Variants in EPG5 observed in about 807,000 individuals in gnomAD.
The protein encoded by EPG5 is ectopic P granules protein 5 homolog.
Under a neutral mutation model 302.7 loss-of-function variants are expected in EPG5, and 159 were observed. The observed-to-expected ratio is 0.53, with a 90% CI of 0.46 to 0.60. The LOEUF (loss-of-function observed/expected upper bound fraction) is 0.60. Among genes scored for constraint, EPG5 ranks in the 20% least tolerant of loss-of-function variants. The probability of loss-of-function intolerance (pLI) is 0.00; values close to 1 mark genes in which losing one functional copy is unlikely to be tolerated. For synonymous variants in EPG5, 1,158 were observed against 1,136.8 expected (o/e 1.02, Z -0.37); for missense variants, 2,896 against 3,092.4 (o/e 0.94, Z 1.51).
At position 45,954,687 on chromosome 18, in the gene EPG5, T is replaced by C. The variant is rs2050985899; in HGVS notation, c.715A>G (p.Ser239Gly). 1.9e-6 allele frequency: 3 copies of C among 1,614,250 alleles called. No homozygotes were observed. The East Asian group carries it at 6.7e-5, about 36-fold the overall frequency. ...ALVAVKPLLRSERLYPELPSQ... is the reference protein window; with the variant it reads ...ALVAVKPLLRGERLYPELPSQ... ...GGGAGTTCTGGGTAGAGTCGCTCAC[T>C]GCGAAGCAAGGGTTTCACTGCCACC... The change falls in exon 2 of 44, where the codon AGT (serine) becomes GGT (glycine). Residue 239 changes from serine (S) to glycine (G), a missense_variant. Ser to Gly is a moderately conservative substitution (Grantham distance 56). Transcript: ENST00000282041.
chr18:45,879,273 T>G (rs906443606), intron 32 of EPG5, 59 bp from the exon 33 acceptor site: 3 of 1,193,892 alleles, frequency 2.5e-6, no homozygotes, highest in Admixed American at 2.0e-5. Flanking sequence ...TAAAGTGTTA[T>G]GATACACTGT....
Position 45,884,614 on chromosome 18 carries a change from T to C in EPG5, c.5304+3A>G, listed in dbSNP as rs1223315254. ...ATATGGTGAGGATGGAATTACATCT[T>C]ACCTTGGTTAGCAGCATGAAAATCA... is the stretch of plus-strand genomic sequence containing the variant. On this transcript the variant is annotated splice_donor_region_variant and intron_variant, in intron 30 of 43. Coordinates refer to ENST00000282041, the MANE Select transcript of EPG5 (RefSeq NM_020964.3). The C allele has an allele frequency of 6.3e-7, 1 of 1,596,436 alleles. No individual in the cohort carries two copies. The highest frequency in any genetic ancestry group is 8.5e-7 in the Non-Finnish European group (1 of 1,174,248).
Position 45,907,995 on chromosome 18 carries a change from T to C in EPG5, c.4292A>G (p.Asp1431Gly). The C allele has an allele frequency of 1.9e-6, 3 of 1,595,230 alleles. No homozygotes were observed. Among genetic ancestry groups the C allele is most frequent in the Non-Finnish European group, 2.6e-6 (3 of 1,174,800 alleles). Residue 1431 changes from aspartate (D) to glycine (G), a missense_variant, in exon 24 of 44, where the codon GAT becomes GGT. Asp to Gly is a moderately conservative substitution (Grantham distance 94). Around this residue, in one of 5 missense-constraint regions of EPG5, gnomAD observed 790 missense variants for 798.0 expected, o/e 0.99. Transcript: ENST00000282041. ...CATCACTTTTGCTAGCCTGTGAATA[T>C]CATAATGCTTTGGTAGAGAAGGGAT... ...TYIPSLPKHY[D>G]IHRLAKVMQN...
At position 45,855,608 on chromosome 18, in the gene EPG5, C is replaced by T; in HGVS notation, c.7522G>A (p.Gly2508Ser). The change falls in exon 43 of 44, where the codon GGC (glycine) becomes AGC (serine). Residue 2508 changes from glycine (G) to serine (S), a missense_variant. Transcript: ENST00000282041. The stretch of plus-strand genomic sequence containing the variant: ...TTGGGGGTCAGATGTAATTCAGAGC[C>T]AGGCCTCAAACGGATCTGATCTTCC... The part of the protein sequence containing the change: ...PMEDQIRLRP[G>S]SELHLTPKAQ... 1 of 1,614,142 alleles carries T rather than the reference C, an allele frequency of 6.2e-7. No homozygotes were observed.
intron 27 of EPG5, among the ~76,000 whole-genome samples, chr18:45,894,430 G>A (rs72918333): frequency 0.095 from 14,373 of 151,824 alleles, 740 homozygotes; most frequent in African/African-American, 0.14. Context: ...TAGCATGGGT[G>A]ACAAGAGCAA....
chr18:45,951,283 T>C lies in EPG5; in HGVS notation c.1253-45A>G, dbSNP rs187298006. 462 of 1,350,972 alleles carry C rather than the reference T, an allele frequency of 3.4e-4. 6 individuals carry two copies. In the East Asian group the frequency reaches 0.012, roughly 35 times the overall value. 83.7% of individuals were successfully genotyped at this position (1,350,972 alleles called of 1,614,324 possible). ...AATGAGTCTCTCATAAATGGTGTTT[T>C]TGGGGGAATTTTTAGTGTCTTCACT... On this transcript the variant is annotated intron_variant, in intron 3 of 43. Transcript: ENST00000282041.
intron 25 of EPG5, 90 bp from the exon 26 acceptor site, chr18:45,901,257 C>G: frequency 8.7e-7 from 1 of 1,153,302 alleles, no homozygotes; most frequent in Non-Finnish European, 1.2e-6. Flanking sequence ...GAATTCCTAT[C>G]CTCAAAAAAT....
chr18:45,886,524 C>G (rs2049220484), intron 29 of EPG5, among the ~76,000 whole-genome samples: 1 of 152,158 alleles, frequency 6.6e-6, no homozygotes. Flanking sequence ...TACATATACA[C>G]AAATAGACAC....
Position 45,954,431 on chromosome 18 carries a change from C to T in EPG5, c.971G>A (p.Arg324Gln), listed in dbSNP as rs769257858. The T allele has an allele frequency of 5.1e-5, 83 of 1,613,114 alleles. No homozygotes were observed. In the South Asian group the frequency reaches 7.8e-4, roughly 15 times the overall value. The change falls in exon 2 of 44, where the codon CGG becomes CAG. Residue 324 changes from arginine (R) to glutamine (Q), a missense_variant. By Grantham distance (43) the Arg-to-Gln change is conservative. Coordinates refer to ENST00000282041, the MANE Select transcript of EPG5 (RefSeq NM_020964.3). ...TTGTTCCTCCTTAAACTGCCACAGC[C>T]GACTTTTAGCATTTTGGCAATCAGA... ...LTSDCQNAKS[R>Q]LWQFKEEQMS...
At chr18:45,903,118 T>A (rs529968707) in intron 25 of EPG5, among the ~76,000 whole-genome samples, 1 of 152,222 alleles carries the variant, frequency 6.6e-6, no homozygotes, top group Non-Finnish European at 1.5e-5. Context: ...CATATATTTC[T>A]TCTTCTTAAC....
chr18:45,821,097 A>C, the EPG5 span, among the ~76,000 whole-genome samples: 2 of 152,262 alleles, frequency 1.3e-5, no homozygotes, highest in Admixed American at 1.3e-4. Flanking sequence ...AGGGTAGGAT[A>C]GACTCACGGA....
At chr18:45,840,283 C>G in the EPG5 span, 3 of 1,592,058 alleles carry the variant, frequency 1.9e-6, no homozygotes, top group Non-Finnish European at 2.6e-6. Flanking sequence ...ACCCCACCCA[C>G]CTAGTCCTCA....
chr18:45,879,187 C>T lies in EPG5; in HGVS notation c.5695G>A (p.Asp1899Asn), dbSNP rs1220548409. 6.2e-7 allele frequency: 1 copy of T among 1,613,502 alleles called. No homozygotes were observed. Among genetic ancestry groups the T allele is most frequent in the Admixed American group, 1.7e-5 (1 of 59,904 alleles). The change falls in exon 33 of 44, where the codon GAC becomes AAC. Residue 1899 changes from aspartate to asparagine, a missense_variant. Physicochemically the swap from Asp to Asn is conservative, Grantham distance 23. Transcript: ENST00000282041. The part of the protein sequence containing the change: ...QVMETIQWLS[D>N]FFYKLRLSKM... ...GATAACCGAAGCTTATAAAAAAAGT[C>T]TGAAAGCCACTGTATAGTCTCCATT...
chr18:45,891,484 G>GT (rs1369856821), intron 27 of EPG5, among the ~76,000 whole-genome samples: 1 of 144,638 alleles, frequency 6.9e-6, no homozygotes, highest in Non-Finnish European at 1.5e-5. Flanking sequence ...GGGCGACAGC[G>GT]TGAGACTCCG....
rs979490125 is a variant in EPG5, at chr18:45,952,517, G to A, written c.1135C>T (p.Leu379=). Residue 379 remains leucine, a synonymous_variant, in exon 3 of 44, where the codon CTG becomes TTG. Coordinates refer to ENST00000282041, the MANE Select transcript of EPG5 (RefSeq NM_020964.3). The part of the protein sequence containing the change: ...DAKSEHLHQT[L]ALHSYTSVLS... ...ACAGAAGTATAAGAATGAAGGGCCA[G>A]GGTCTGGTGGAGGTGCTCAGATTTG... The A allele has an allele frequency of 1.9e-6, 3 of 1,614,166 alleles. No homozygotes were observed. The highest frequency in any genetic ancestry group is 1.7e-6 in the Non-Finnish European group (2 of 1,180,024).
At chr18:45,957,614 A>AGTG (rs977115526) in intron 1 of EPG5, among the ~76,000 whole-genome samples, 5 of 152,196 alleles carry the variant, frequency 3.3e-5, no homozygotes, top group Admixed American at 1.3e-4. Flanking sequence ...TAAGGAGGTG[A>AGTG]GTGGTACATC....
chr18:45,890,831 C>G (rs1341598177), intron 27 of EPG5, among the ~76,000 whole-genome samples: 2 of 152,110 alleles, frequency 1.3e-5, no homozygotes. Flanking sequence ...GACAGAGATA[C>G]AGGAAGGAGG....
the EPG5 span, among the ~76,000 whole-genome samples, chr18:45,825,199 G>A: frequency 2.2e-5 from 3 of 138,440 alleles, no homozygotes; most frequent in African/African-American, 8.0e-5. Context: ...AGAGAGGGAG[G>A]AAGAGAGGGA....
chr18:45,810,363 A>G, the EPG5 span, among the ~76,000 whole-genome samples: 4 of 152,354 alleles, frequency 2.6e-5, no homozygotes, highest in African/African-American at 9.6e-5. Context: ...AAATCATTCT[A>G]TGAAGCCAGC....
Sources: allele counts gnomAD v4.1 joint callset (sites outside exome capture counted in the v4.1 genomes callset), GRCh38; gene constraint gnomAD v4.1.1; regional missense constraint gnomAD v4.1.1; transcripts MANE v1.5; gene names NCBI Gene and HGNC (gene_info 2026-07-23, HGNC 2026-07-21).